EXOC4: variants seen among roughly 807,000 people sequenced by gnomAD.
The protein encoded by EXOC4 is SEC8-like 1.
In EXOC4, 71 loss-of-function variants were observed where a neutral mutation model predicts 107.2. That is an observed-to-expected ratio of 0.66 (90% CI 0.55 to 0.81). EXOC4 has a LOEUF of 0.81. Ranked by LOEUF, EXOC4 falls within the 30% of genes least tolerant of loss-of-function variation. EXOC4 has a pLI of 0.00. For missense variants in EXOC4, 1,108 were observed against 1,189.6 expected, an observed-to-expected ratio of 0.93 and a Z score of 1.01; for synonymous variants, 456 against 441.2, an observed-to-expected ratio of 1.03 and a Z score of -0.42.
At chr7:133,335,187 T>C (rs931987687) in intron 5 of EXOC4, among the ~76,000 whole-genome samples, 2 of 152,230 alleles carry the variant, frequency 1.3e-5, no homozygotes, top group African/African-American at 2.4e-5. Flanking sequence ...TTTTTGTTTA[T>C]AGCTTAAAAA....
At chr7:133,485,129 A>G (rs574071224) in intron 9 of EXOC4, among the ~76,000 whole-genome samples, 1 of 151,432 alleles carries the variant, frequency 6.6e-6, no homozygotes, top group African/African-American at 2.4e-5. Flanking sequence ...AATTAAATAA[A>G]TGAGTCAGTA....
chr7:133,739,060 G>A (rs1242198197), intron 10 of EXOC4, among the ~76,000 whole-genome samples: 1 of 152,082 alleles, frequency 6.6e-6, no homozygotes, highest in Non-Finnish European at 1.5e-5. Flanking sequence ...ATTTGTTGTG[G>A]TTCAAGACCT....
intron 7 of EXOC4, among the ~76,000 whole-genome samples, chr7:133,380,239 A>AAAAATAAAAT (rs10688501): frequency 0.022 from 3,077 of 137,786 alleles, 61 homozygotes; most frequent in Non-Finnish European, 0.033. Flanking sequence ...AAAGTATAAT[A>AAAAATAAAAT]AAAATAAAAT....
At chr7:133,745,933 TCTTA>T (rs1402535377) in intron 10 of EXOC4, among the ~76,000 whole-genome samples, 2 of 152,164 alleles carry the variant, frequency 1.3e-5, no homozygotes, top group Admixed American at 6.5e-5. Flanking sequence ...TATGTTTACC[TCTTA>T]CTTTTCTGTG....
At chr7:133,788,931 A>C (rs1210766039) in intron 10 of EXOC4, among the ~76,000 whole-genome samples, 1 of 152,218 alleles carries the variant, frequency 6.6e-6, no homozygotes, top group African/African-American at 2.4e-5. Context: ...TACATGAAAT[A>C]CATGTATTCT....
At chr7:133,666,258 A>G (rs1793810622) in intron 10 of EXOC4, among the ~76,000 whole-genome samples, 2 of 152,162 alleles carry the variant, frequency 1.3e-5, no homozygotes, top group Non-Finnish European at 2.9e-5. Flanking sequence ...ATACTGAGAT[A>G]TATTAGGTTC....
intron 4 of EXOC4, among the ~76,000 whole-genome samples, chr7:133,306,809 T>G (rs1375688980): frequency 6.6e-6 from 1 of 152,204 alleles, no homozygotes; most frequent in Non-Finnish European, 1.5e-5. Flanking sequence ...TGGAATAGTT[T>G]AGGAAAGGTT....
chr7:134,095,333 A>C, the EXOC4 span, among the ~76,000 whole-genome samples: 3 of 152,172 alleles, frequency 2.0e-5, no homozygotes, highest in East Asian at 3.8e-4. Flanking sequence ...GCACAAACAA[A>C]TGGGAAAATA....
At chr7:134,003,496 T>G (rs1383520071) in intron 15 of EXOC4, among the ~76,000 whole-genome samples, 2 of 152,210 alleles carry the variant, frequency 1.3e-5, no homozygotes, top group African/African-American at 2.4e-5. Context: ...CAAAGCGTGG[T>G]CGCATCATTA....
chr7:134,091,990 T>TTA, the EXOC4 span, among the ~76,000 whole-genome samples: 1 of 152,180 alleles, frequency 6.6e-6, no homozygotes, highest in Admixed American at 6.5e-5. Flanking sequence ...ATATATCTCT[T>TTA]TATATATATG....
At chr7:133,395,915 GA>G (rs1472360676) in intron 7 of EXOC4, among the ~76,000 whole-genome samples, 1 of 151,766 alleles carries the variant, frequency 6.6e-6, no homozygotes, top group African/African-American at 2.4e-5. Flanking sequence ...TATGATGATT[GA>G]TTTTTTTTTT....
intron 5 of EXOC4, among the ~76,000 whole-genome samples, chr7:133,317,791 C>T (rs571740683): frequency 6.6e-6 from 1 of 152,220 alleles, no homozygotes; most frequent in African/African-American, 2.4e-5. Context: ...AAGGGATTCT[C>T]CTGCCTTGGC....
At chr7:133,470,037 G>A (rs1218980884) in intron 7 of EXOC4, among the ~76,000 whole-genome samples, 1 of 152,176 alleles carries the variant, frequency 6.6e-6, no homozygotes, top group East Asian at 1.9e-4. Flanking sequence ...TATAAGCATG[G>A]CTACCAGAGT....
At chr7:133,501,611 ATC>A (rs1450589894) in intron 9 of EXOC4, among the ~76,000 whole-genome samples, 2 of 152,184 alleles carry the variant, frequency 1.3e-5, no homozygotes, top group Admixed American at 1.3e-4. Context: ...ACATTGCTGA[ATC>A]TCTGGTTTCT....
chr7:133,821,234 T>C (rs1409818968), intron 11 of EXOC4, among the ~76,000 whole-genome samples: 1 of 152,224 alleles, frequency 6.6e-6, no homozygotes, highest in Non-Finnish European at 1.5e-5. Flanking sequence ...GTTTAAAATG[T>C]ATGGCAACTC....
At chr7:133,937,844 C>T in intron 13 of EXOC4, 47 bp from the exon 14 acceptor site, 1 of 1,598,016 alleles carries the variant, frequency 6.3e-7, no homozygotes, top group South Asian at 1.1e-5. Context: ...CCGGTCCTAC[C>T]TTTTCCATGC....
intron 7 of EXOC4, among the ~76,000 whole-genome samples, chr7:133,390,057 G>A (rs2150714804): frequency 6.6e-6 from 1 of 152,256 alleles, no homozygotes; most frequent in South Asian, 2.1e-4. Context: ...AATTCAAGAT[G>A]AGATCTGGGT....
chr7:134,034,219 A>T (rs1795335685), intron 17 of EXOC4, among the ~76,000 whole-genome samples: 1 of 152,194 alleles, frequency 6.6e-6, no homozygotes, highest in African/African-American at 2.4e-5. Context: ...AATAGGTAGT[A>T]TGATGGAGAG....
chr7:133,613,940 A>ATCCTTT lies in EXOC4; in HGVS notation c.1418-16105_1418-16104insTCCTTT, dbSNP rs1585032928. 2.6e-5 allele frequency among the ~76,000 whole-genome samples: 4 copies of ATCCTTT among 152,338 alleles called. No homozygotes were observed. In the East Asian group the frequency reaches 7.7e-4, roughly 29 times the overall value. ...AGGAAGGTGAAGGATGTAAAGCTGG[A>ATCCTTT]GAATTTAATGCAAATTAAAAGGATG... On this transcript the variant is annotated intron_variant, in intron 9 of 17. Transcript: ENST00000253861.
Sources: allele counts gnomAD v4.1 joint callset (sites outside exome capture counted in the v4.1 genomes callset), GRCh38; gene constraint gnomAD v4.1.1; transcripts MANE v1.5; gene names NCBI Gene and HGNC (gene_info 2026-07-23, HGNC 2026-07-21).